The following HNRNPUL1 variants were observed in gnomAD, a reference collection of about 807,000 sequenced individuals.
HNRNPUL1 encodes heterogeneous nuclear ribonucleoprotein U like 1.
Under a neutral mutation model 108.5 loss-of-function variants are expected in HNRNPUL1, and 14 were observed. That is an observed-to-expected ratio of 0.13 (90% CI 0.09 to 0.20). The LOEUF is 0.20. Ranked by LOEUF, HNRNPUL1 falls within the 10% of genes least tolerant of loss-of-function variation. HNRNPUL1 has a pLI of 1.00. For missense variants in HNRNPUL1, 804 were observed against 1,168.3 expected, an observed-to-expected ratio of 0.69 and a Z score of 4.55; for synonymous variants, 422 against 445.2, an observed-to-expected ratio of 0.95 and a Z score of 0.66.
chr19:41,264,905 C>A (rs1233510332), intron 1 of HNRNPUL1, 107 bp downstream of exon 1: 7 of 1,334,874 alleles, frequency 5.2e-6, no homozygotes, highest in Non-Finnish European at 6.7e-6. Flanking sequence ...ACCTGAGGAT[C>A]GGGGGATCCC....
intron 7 of HNRNPUL1, among the ~76,000 whole-genome samples, chr19:41,282,752 G>C (rs2035976050): frequency 6.8e-6 from 1 of 147,956 alleles, no homozygotes; most frequent in East Asian, 2.0e-4. Context: ...TGCAGTGGCG[G>C]GATCTCGGCT....
rs10826 is a variant in HNRNPUL1, at chr19:41,307,108, C to G, written c.*543C>G. ...CAGTGACTTTTTTTTGGTAATTATGCGCTTTTTTTTAATTTTTAGAATTTG... is the reference window on the plus strand; with the variant it reads ...CAGTGACTTTTTTTTGGTAATTATGGGCTTTTTTTTAATTTTTAGAATTTG... On this transcript the variant is annotated 3_prime_UTR_variant, in exon 15 of 15. Transcript: ENST00000392006. 1 of 151,112 alleles carries G rather than the reference C, an allele frequency of 6.6e-6. No individual in the cohort carries two copies. The highest frequency in any genetic ancestry group is 1.5e-5 in the Non-Finnish European group (1 of 67,820). The allele number at this position is 151,112 out of a possible 1,614,324, so 9.4% of individuals were successfully genotyped here. A position where few individuals can be genotyped will look rare whatever the true frequency, so the allele number is the denominator to read the frequency against.
intron 11 of HNRNPUL1, 75 bp downstream of exon 11, chr19:41,301,779 C>T (rs1394550629): frequency 3.0e-6 from 4 of 1,314,002 alleles, no homozygotes; most frequent in African/African-American, 3.0e-5. Context: ...TCAGTTTGTC[C>T]TTCCCTGGCT....
Position 41,272,214 on chromosome 19 carries a change from T to C in HNRNPUL1, c.551T>C (p.Phe184Ser). The C allele has an allele frequency of 6.2e-7, 1 of 1,613,638 alleles. No homozygotes were observed. The highest frequency in any genetic ancestry group is 2.2e-5 in the East Asian group (1 of 44,882). ...GAAGAAAACCGGGGACGGGGGTACT[T>C]TGAGCACCGAGAGGATAGGAGGTGG... ...PYEENRGRGY[F>S]EHREDRRGRS... The change falls in exon 3 of 15, where the codon TTT becomes TCT. Residue 184 changes from phenylalanine (F) to serine (S), a missense_variant. Phe to Ser is a radical substitution (Grantham distance 155, BLOSUM62 -2). Around this residue, in one of 4 missense-constraint regions of HNRNPUL1, gnomAD observed 256 missense variants for 261.6 expected, o/e 0.98. Transcript: ENST00000392006.
chr19:41,279,763 C>T (rs1250236648), intron 6 of HNRNPUL1, among the ~76,000 whole-genome samples: 5 of 152,138 alleles, frequency 3.3e-5, no homozygotes, highest in Admixed American at 1.3e-4. Flanking sequence ...ATATGTGTTG[C>T]GTATAAGAAT....
intron 13 of HNRNPUL1, 153 bp from the exon 14 acceptor site, chr19:41,305,523 C>A: frequency 1.1e-6 from 1 of 927,462 alleles, no homozygotes. Context: ...AGCTGGCTCT[C>A]CTCCTTCTCA....
At chr19:41,265,481 C>T (rs1035871902) in intron 1 of HNRNPUL1, 84 of 1,156,750 alleles carry the variant, frequency 7.3e-5, no homozygotes, top group Non-Finnish European at 9.6e-5. Flanking sequence ...CCCCATCTCT[C>T]TTCCGGGGCT....
chr19:41,272,955 C>G (rs778383263), intron 3 of HNRNPUL1, among the ~76,000 whole-genome samples: 3 of 152,190 alleles, frequency 2.0e-5, no homozygotes, highest in Non-Finnish European at 4.4e-5. Context: ...CTCATCTGGA[C>G]TAGTCATCTG....
intron 10 of HNRNPUL1, 131 bp from the exon 11 acceptor site, chr19:41,301,405 T>C (rs1293006673): frequency 4.3e-6 from 3 of 702,466 alleles, no homozygotes; most frequent in Admixed American, 2.9e-5. Context: ...GAAGAGCTGT[T>C]TCCTGAGTTT....
chr19:41,296,470 G>A (rs566563183), intron 10 of HNRNPUL1, among the ~76,000 whole-genome samples: 38 of 152,346 alleles, frequency 2.5e-4, no homozygotes, highest in South Asian at 1.9e-3. Flanking sequence ...CTGAAGGCTG[G>A]GGAGGAGGGT....
chr19:41,272,874 T>TTCCC (rs1322313674), intron 3 of HNRNPUL1, among the ~76,000 whole-genome samples: 1 of 152,194 alleles, frequency 6.6e-6, no homozygotes, highest in African/African-American at 2.4e-5. Context: ...AGTCCTTCCC[T>TTCCC]TCCCTCCTTC....
In HNRNPUL1 at chr19:41,307,511, C is replaced by G. The variant is rs1456859231; in HGVS notation, c.*946C>G. The G allele has an allele frequency of 6.6e-6, 1 of 152,632 alleles. No individual in the cohort carries two copies. The highest frequency in any genetic ancestry group is 1.5e-5 in the Non-Finnish European group (1 of 68,050). The allele number at this position is 152,632 out of a possible 1,614,324, so 9.5% of individuals were successfully genotyped here. ...CTCCAGTGGTCTCCCAGGTGCCAGA[C>G]CCAAAAGCTTTTCCTACAGTGATAC... On this transcript the variant is annotated 3_prime_UTR_variant, in exon 15 of 15. Transcript: ENST00000392006.
intron 3 of HNRNPUL1, chr19:41,272,456 A>G: frequency 2.0e-6 from 1 of 488,310 alleles, no homozygotes; most frequent in East Asian, 3.4e-5. Context: ...GGTAACTTCT[A>G]AATATCTTAG....
rs1402259799 is a variant in HNRNPUL1, at chr19:41,268,329, G to C, written c.402G>C (p.Gln134His). 13 of 1,613,752 alleles carry C rather than the reference G, an allele frequency of 8.1e-6. No individual in the cohort carries two copies. Among genetic ancestry groups the C allele is most frequent in the Non-Finnish European group, 1.1e-5 (13 of 1,179,868 alleles). The change falls in exon 2 of 15, where the codon CAG becomes CAC. Residue 134 changes from glutamine to histidine, a missense_variant. Physicochemically the swap from Gln to His is conservative, Grantham distance 24 (BLOSUM62 0). Transcript: ENST00000392006. ...YERRPLEMEQ[Q>H]QAYRPEMKTE... ...GGAGACCACTGGAAATGGAGCAGCA[G>C]CAGGCCTATCGTCCAGGTAGGAAAA...
chr19:41,302,200 T>TTC (rs1022045146), intron 11 of HNRNPUL1, among the ~76,000 whole-genome samples: 2 of 112,092 alleles, frequency 1.8e-5, no homozygotes, highest in African/African-American at 2.9e-5. Flanking sequence ...GTCTACCTCT[T>TTC]TCTCTCTCTC....
intron 14 of HNRNPUL1, among the ~76,000 whole-genome samples, 197 bp from the exon 15 acceptor site, chr19:41,306,252 G>A (rs570108314): frequency 6.6e-6 from 1 of 152,348 alleles, no homozygotes; most frequent in South Asian, 2.1e-4. Flanking sequence ...GACAAGCTGA[G>A]ACCTGGGCTT....
At position 41,303,995 on chromosome 19, in the gene HNRNPUL1, G is replaced by A. The variant is rs1200298037; in HGVS notation, c.1996G>A (p.Gly666Ser). 6.2e-7 allele frequency: 1 copy of A among 1,613,006 alleles called. No individual in the cohort carries two copies. Among genetic ancestry groups the A allele is most frequent in the Non-Finnish European group, 8.5e-7 (1 of 1,179,152 alleles). The change falls in exon 13 of 15, where the codon GGC (glycine) becomes AGC (serine). Residue 666 changes from glycine to serine, a missense_variant. Physicochemically the swap from Gly to Ser is moderately conservative, Grantham distance 56. This residue lies in a region of HNRNPUL1 where 294 missense variants were observed against 388.3 expected (regional missense o/e 0.76). Transcript: ENST00000392006. ...AGGTTTCAACCGCAGCGGAGGTGGT[G>A]GCTATAGCCAGAACCGCTGGGGTAA... ...RGGFNRSGGG[G>S]YSQNRWGNNN... is the part of the protein sequence containing the mutation.
chr19:41,267,131 G>A (rs976286944), intron 1 of HNRNPUL1, among the ~76,000 whole-genome samples: 2 of 152,232 alleles, frequency 1.3e-5, no homozygotes, highest in African/African-American at 4.8e-5. Flanking sequence ...TTTCCTTAAT[G>A]TGTAAAATGG....
Position 41,307,019 on chromosome 19 carries a change from TA to T in HNRNPUL1, c.*464del, listed in dbSNP as rs200936072. ...TGTTTTACTGTCTACTTTTCAGGAT[TA>T]AAAAAAAAATCAAAACTTAAAAAAA... is the stretch of plus-strand genomic sequence containing the variant. On this transcript the variant is annotated 3_prime_UTR_variant, in exon 15 of 15. Transcript: ENST00000392006. 5.4e-5 allele frequency: 8 copies of T among 148,342 alleles called. No homozygotes were observed. The highest frequency in any genetic ancestry group is 7.4e-5 in the Non-Finnish European group (5 of 67,290). 9.2% of individuals were successfully genotyped at this position (148,342 alleles called of 1,614,324 possible). A position where few individuals can be genotyped will look rare whatever the true frequency, so the allele number is the denominator to read the frequency against.
Sources: allele counts gnomAD v4.1 joint callset (sites outside exome capture counted in the v4.1 genomes callset), GRCh38; gene constraint gnomAD v4.1.1; regional missense constraint gnomAD v4.1.1; transcripts MANE v1.5; gene names NCBI Gene and HGNC (gene_info 2026-07-23, HGNC 2026-07-21).